The following GRAMD1A variants were observed in gnomAD, a reference collection of about 807,000 sequenced individuals.
GRAMD1A encodes protein Aster-A.
GRAMD1A carries 50 observed loss-of-function variants against 92.0 expected under a neutral mutation model. That is an observed-to-expected ratio of 0.54 (90% CI 0.43 to 0.69). The LOEUF (loss-of-function observed/expected upper bound fraction) is 0.69, where lower values mean the gene tolerates loss of function less well. Among genes scored for constraint, GRAMD1A ranks in the 30% least tolerant of loss-of-function variants. The probability of loss-of-function intolerance (pLI) is 0.00; values close to 1 mark genes in which losing one functional copy is unlikely to be tolerated. For missense variants in GRAMD1A, 819 were observed against 978.9 expected (o/e 0.84, Z 2.18); for synonymous variants, 405 against 403.6 (o/e 1.00, Z -0.04).
At chr19:35,024,534 G>A (rs1344812111) in intron 19 of GRAMD1A, among the ~76,000 whole-genome samples, 3 of 152,254 alleles carry the variant, frequency 2.0e-5, no homozygotes, top group Non-Finnish European at 2.9e-5. Context: ...GGGGGAAAGC[G>A]GATGGGAAAC....
chr19:35,008,892 C>T (rs956643737), intron 1 of GRAMD1A, among the ~76,000 whole-genome samples: 2 of 152,200 alleles, frequency 1.3e-5, no homozygotes, highest in Non-Finnish European at 2.9e-5. Flanking sequence ...CCCAAAACAA[C>T]TGGATGAGGA....
intron 3 of GRAMD1A, 153 bp from the exon 4 acceptor site, chr19:35,009,735 C>T: frequency 1.5e-6 from 1 of 665,792 alleles, no homozygotes; most frequent in East Asian, 2.6e-5. Flanking sequence ...CATAAGAAAT[C>T]TGTAAATGGC....
At chr19:35,019,142 G>GGC (rs1568334541) in intron 11 of GRAMD1A, 49 bp from the exon 12 acceptor site, 1 of 1,276,126 alleles carries the variant, frequency 7.8e-7, no homozygotes, top group East Asian at 2.3e-5. Context: ...GTGGCCTGTG[G>GGC]GCAAAGGACT....
intron 11 of GRAMD1A, among the ~76,000 whole-genome samples, chr19:35,017,876 T>A (rs1252380854): frequency 2.6e-5 from 4 of 152,342 alleles, no homozygotes; most frequent in African/African-American, 9.6e-5. Flanking sequence ...TCTCAAGAGA[T>A]TCTGGGTGCT....
At chr19:35,010,891 G>A (rs66479581) in intron 6 of GRAMD1A, among the ~76,000 whole-genome samples, 37,625 of 151,988 alleles carry the variant, frequency 0.25, 5,410 homozygotes, top group Middle Eastern at 0.42. Flanking sequence ...CTTGAGCCCA[G>A]GAGGTTGAGG....
At chr19:35,024,681 G>A (rs1454400804) in intron 19 of GRAMD1A, among the ~76,000 whole-genome samples, 4 of 152,148 alleles carry the variant, frequency 2.6e-5, no homozygotes, top group African/African-American at 9.7e-5. Context: ...AATCAAGCTT[G>A]GGAGAGGCTC....
intron 1 of GRAMD1A, among the ~76,000 whole-genome samples, chr19:35,001,610 T>C (rs1359434605): frequency 2.0e-5 from 3 of 150,180 alleles, no homozygotes; most frequent in Middle Eastern, 3.4e-3. Context: ...CGCTCTTCTT[T>C]TTTTTTTTTT....
chr19:35,011,384 C>T (rs1314655396), intron 6 of GRAMD1A, 90 bp from the exon 7 acceptor site: 8 of 905,252 alleles, frequency 8.8e-6, no homozygotes, highest in East Asian at 2.4e-5. Context: ...AAAGATGTGG[C>T]GTCAGCGCAG....
intron 16 of GRAMD1A, 105 bp downstream of exon 16, chr19:35,022,143 A>C: frequency 1.3e-6 from 1 of 766,170 alleles, no homozygotes; most frequent in Non-Finnish European, 2.1e-6. Flanking sequence ...CTTAAGTGGG[A>C]GCGTGGGTTT....
chr19:34,995,182 G>A (rs1260833976), intron 1 of GRAMD1A, among the ~76,000 whole-genome samples: 2 of 152,212 alleles, frequency 1.3e-5, no homozygotes, highest in East Asian at 1.9e-4. Context: ...CCGGCTAGCC[G>A]TTACCCAGGC....
chr19:34,996,532 C>T (rs763374275), upstream of GRAMD1A, among the ~76,000 whole-genome samples: 4 of 152,186 alleles, frequency 2.6e-5, no homozygotes, highest in East Asian at 1.9e-4. Context: ...GGAAGCCGGG[C>T]GTGGTGGCTC....
chr19:35,006,248 G>A (rs1004854530), intron 1 of GRAMD1A, among the ~76,000 whole-genome samples: 5 of 152,178 alleles, frequency 3.3e-5, no homozygotes, highest in South Asian at 2.1e-4. Context: ...CTTGAACCTG[G>A]GAGGCGCAGG....
At chr19:35,018,065 G>A (rs2151727373) in intron 11 of GRAMD1A, among the ~76,000 whole-genome samples, 1 of 152,130 alleles carries the variant, frequency 6.6e-6, no homozygotes, top group South Asian at 2.1e-4. Context: ...TTGAGTCACT[G>A]TAGCCTCTGC....
chr19:35,004,490 T>C (rs2014655367), intron 1 of GRAMD1A, among the ~76,000 whole-genome samples: 1 of 152,178 alleles, frequency 6.6e-6, no homozygotes, highest in Admixed American at 6.5e-5. Context: ...AGCATTGCTT[T>C]ATGGCGTTCA....
intron 1 of GRAMD1A, among the ~76,000 whole-genome samples, chr19:35,007,934 A>G (rs1440910021): frequency 6.6e-6 from 1 of 152,224 alleles, no homozygotes; most frequent in Non-Finnish European, 1.5e-5. Flanking sequence ...AAGAAAATAA[A>G]GAAATTAAGA....
At chr19:35,001,048 G>C (rs1479195199) in intron 1 of GRAMD1A, 1 of 152,390 alleles carries the variant, frequency 6.6e-6, no homozygotes, top group Non-Finnish European at 1.5e-5. Flanking sequence ...CATGGAGGGC[G>C]GGGGGTCCTG....
chr19:35,021,784 C>T lies in GRAMD1A; in HGVS notation c.1673C>T (p.Pro558Leu). The T allele has an allele frequency of 6.2e-7, 1 of 1,612,076 alleles. No homozygotes were observed. Among genetic ancestry groups the T allele is most frequent in the Non-Finnish European group, 8.5e-7 (1 of 1,179,344 alleles). Residue 558 changes from proline (P) to leucine (L), a missense_variant, in exon 15 of 20, where the codon CCC becomes CTC. Pro to Leu is a moderately conservative substitution (Grantham distance 98, BLOSUM62 -3). This residue lies in a region of GRAMD1A where 577 missense variants were observed against 674.6 expected (regional missense o/e 0.86). Transcript: ENST00000317991. This position sits in a 1 kb window ranked among gnomAD's most constrained non-coding sequence, Gnocchi z 5.3. ...TCCGGCCTGCGGCGGCGGAAGCGGCCCCTGAGCTGGCGGGCTCACGGGGAC... is the reference window on the plus strand; with the variant it reads ...TCCGGCCTGCGGCGGCGGAAGCGGCTCCTGAGCTGGCGGGCTCACGGGGAC... Reference protein sequence around the residue: ...LLSGLRRRKRPLSWRAHGDGP... With the variant: ...LLSGLRRRKRLLSWRAHGDGP...
At chr19:35,007,060 G>T (rs1365026644) in intron 1 of GRAMD1A, among the ~76,000 whole-genome samples, 1 of 152,164 alleles carries the variant, frequency 6.6e-6, no homozygotes, top group Non-Finnish European at 1.5e-5. Context: ...AGGACATGAG[G>T]TCAGTGAGGT....
rs547616651 is a variant in GRAMD1A, at chr19:35,025,981, G to A, written c.2083-68G>A. On this transcript the variant is annotated intron_variant, in intron 19 of 19. Transcript: ENST00000317991. ...GTCCTCAGTTTCTCAATGGCAAGGT[G>A]GGGGTGGGCGACATCACCCCCCAGC... 7.0e-5 allele frequency: 57 copies of A among 819,792 alleles called. No homozygotes were observed. In the African/African-American group the frequency reaches 8.2e-4, roughly 12 times the overall value. The allele number at this position is 819,792 out of a possible 1,614,324, so 50.8% of individuals were successfully genotyped here. A position where few individuals can be genotyped will look rare whatever the true frequency, so the allele number is the denominator to read the frequency against.
Sources: gnomAD v4.1 joint callset for allele counts (sites outside exome capture counted in the v4.1 genomes callset) on GRCh38, gnomAD v4.1.1 for gene constraint, gnomAD v4.1.1 regional missense constraint, Gnocchi (gnomAD v3.1) non-coding constraint, MANE v1.5 for transcripts, NCBI Gene and HGNC (gene_info 2026-07-23, HGNC 2026-07-21) for gene names.